The following MAGI2 variants were observed in gnomAD, a reference collection of about 807,000 sequenced individuals.
MAGI2 encodes membrane associated guanylate kinase, WW and PDZ domain containing 2.
In MAGI2, 35 loss-of-function variants were observed where a neutral mutation model predicts 133.3. The ratio of observed to expected loss-of-function variants is 0.26; its 90% confidence interval spans 0.20 to 0.35. The LOEUF is 0.35. Ranked by LOEUF, MAGI2 falls within the 10% of genes least tolerant of loss-of-function variation. The pLI, the probability that MAGI2 is intolerant of heterozygous loss-of-function variation, is 1.00. For synonymous variants in MAGI2, 729 were observed against 710.6 expected, an observed-to-expected ratio of 1.03 and a Z score of -0.41; for missense variants, 1,636 against 1,863.4, an observed-to-expected ratio of 0.88 and a Z score of 2.25.
chr7:78,338,836 A>G (rs1008844547), intron 9 of MAGI2, among the ~76,000 whole-genome samples: 2 of 152,202 alleles, frequency 1.3e-5, no homozygotes, highest in Non-Finnish European at 2.9e-5. Flanking sequence ...TTAGCAATAT[A>G]CTTTAAAAAA....
At chr7:78,289,244 G>A (rs1026303002) in intron 9 of MAGI2, among the ~76,000 whole-genome samples, 1 of 152,124 alleles carries the variant, frequency 6.6e-6, no homozygotes, top group South Asian at 2.1e-4. Flanking sequence ...AGAATAAACA[G>A]CATAGAGAAG....
At chr7:79,348,828 T>C (rs1841494258) in intron 1 of MAGI2, among the ~76,000 whole-genome samples, 1 of 151,944 alleles carries the variant, frequency 6.6e-6, no homozygotes, top group South Asian at 2.1e-4. Flanking sequence ...TTTTTGAAGC[T>C]TTAACAACAT....
At chr7:79,237,450 G>A (rs550634387) in intron 1 of MAGI2, among the ~76,000 whole-genome samples, 84 of 152,254 alleles carry the variant, frequency 5.5e-4, no homozygotes, top group African/African-American at 1.8e-3. Context: ...CCAACGTCGC[G>A]CCACTGAAAA....
chr7:78,547,818 A>AT (rs892093405), intron 3 of MAGI2, among the ~76,000 whole-genome samples: 3 of 152,186 alleles, frequency 2.0e-5, no homozygotes, highest in African/African-American at 4.8e-5. Flanking sequence ...CCTGGAATAC[A>AT]TTTTTTCTGA....
intron 2 of MAGI2, among the ~76,000 whole-genome samples, chr7:78,998,868 T>A (rs1331900496): frequency 2.6e-5 from 4 of 152,124 alleles, no homozygotes; most frequent in African/African-American, 7.2e-5. Flanking sequence ...TTTTTTCTAT[T>A]CAAAATGTGC....
At chr7:79,272,946 G>A (rs534086634) in intron 1 of MAGI2, among the ~76,000 whole-genome samples, 1 of 152,144 alleles carries the variant, frequency 6.6e-6, no homozygotes, top group South Asian at 2.1e-4. Flanking sequence ...ATACTCAGTA[G>A]CACTAACTCT....
intron 1 of MAGI2, among the ~76,000 whole-genome samples, chr7:79,261,614 G>T (rs545780163): frequency 1.8e-4 from 28 of 152,174 alleles, no homozygotes; most frequent in Non-Finnish European, 3.7e-4. Flanking sequence ...ACACAAGCAT[G>T]CAAACTACAT....
intron 10 of MAGI2, among the ~76,000 whole-genome samples, chr7:78,249,532 A>C (rs1323915619): frequency 3.3e-5 from 5 of 152,170 alleles, no homozygotes; most frequent in African/African-American, 1.2e-4. Context: ...TCAGCCACAA[A>C]AGAGAATGAA....
chr7:78,943,801 C>T (rs1459898463), intron 2 of MAGI2, among the ~76,000 whole-genome samples: 2 of 152,050 alleles, frequency 1.3e-5, no homozygotes, highest in African/African-American at 2.4e-5. Flanking sequence ...CTATTCCATT[C>T]TCCCATTTAA....
intron 21 of MAGI2, among the ~76,000 whole-genome samples, chr7:78,026,997 C>T (rs34958428): frequency 0.12 from 18,429 of 152,176 alleles, 1,398 homozygotes; most frequent in Non-Finnish European, 0.17. Flanking sequence ...TAAACTGACA[C>T]ATTTTACAGA....
intron 2 of MAGI2, among the ~76,000 whole-genome samples, chr7:78,727,488 T>C (rs1476431350): frequency 6.6e-6 from 1 of 152,240 alleles, no homozygotes; most frequent in Non-Finnish European, 1.5e-5. Context: ...GGCAATTGTG[T>C]AGTTCTTTAT....
chr7:78,128,853 C>A (rs187479070), intron 18 of MAGI2, among the ~76,000 whole-genome samples: 23 of 152,228 alleles, frequency 1.5e-4, no homozygotes, highest in Admixed American at 1.4e-3. Flanking sequence ...TTGCTTTATA[C>A]CTCAATTGTC....
intron 1 of MAGI2, among the ~76,000 whole-genome samples, chr7:79,156,113 T>C (rs1585066105): frequency 6.6e-6 from 1 of 152,122 alleles, no homozygotes; most frequent in East Asian, 1.9e-4. Flanking sequence ...ATCTAAGGGG[T>C]CTGGGGATTC....
intron 2 of MAGI2, among the ~76,000 whole-genome samples, chr7:78,963,804 C>A (rs1803071819): frequency 6.6e-6 from 1 of 151,792 alleles, no homozygotes; most frequent in African/African-American, 2.4e-5. Flanking sequence ...ACTAGGAGAC[C>A]TAATTTCTGG....
intron 2 of MAGI2, among the ~76,000 whole-genome samples, chr7:78,674,780 G>T (rs1319503981): frequency 5.3e-5 from 8 of 152,058 alleles, no homozygotes; most frequent in Non-Finnish European, 1.0e-4. Context: ...AAAGACCATG[G>T]ACAGTTACTA....
chr7:79,245,125 C>T (rs114465431), intron 1 of MAGI2, among the ~76,000 whole-genome samples: 2,050 of 152,278 alleles, frequency 0.013, 45 homozygotes, highest in African/African-American at 0.047. Flanking sequence ...AGTAGTAATA[C>T]CCAGGCAGTA....
chr7:79,309,906 G>A (rs1412700837), intron 1 of MAGI2, among the ~76,000 whole-genome samples: 1 of 147,472 alleles, frequency 6.8e-6, no homozygotes, highest in African/African-American at 2.5e-5. Flanking sequence ...CGAGGCAGGT[G>A]GATCATCTGA....
intron 2 of MAGI2, among the ~76,000 whole-genome samples, chr7:78,889,198 GA>G (rs201361721): frequency 0.04 from 6,029 of 152,158 alleles, 334 homozygotes; most frequent in African/African-American, 0.12. Flanking sequence ...AAAAAGAAAT[GA>G]ACAAAGCCTC....
intron 10 of MAGI2, chr7:78,252,139 T>TAAAAAA (rs59245045): frequency 8.2e-6 from 1 of 122,176 alleles, no homozygotes; most frequent in Non-Finnish European, 1.7e-5. Context: ...CCCTGTCTAT[T>TAAAAAA]AAAAAAAAAA....
Sources: allele counts gnomAD v4.1 joint callset (sites outside exome capture counted in the v4.1 genomes callset), GRCh38; gene constraint gnomAD v4.1.1; transcripts MANE v1.5; gene names NCBI Gene and HGNC (gene_info 2026-07-23, HGNC 2026-07-21).